Variants in PRMT3 observed in about 807,000 individuals in gnomAD.
The protein encoded by PRMT3 is protein arginine N-methyltransferase 3.
In PRMT3, 62 loss-of-function variants were observed where a neutral mutation model predicts 71.9. The observed-to-expected ratio is 0.86, with a 90% CI of 0.70 to 1.07. The LOEUF (loss-of-function observed/expected upper bound fraction) is 1.07, where lower values mean the gene tolerates loss of function less well. Among genes scored for constraint, PRMT3 ranks in the 50% least tolerant of loss-of-function variants. The probability of loss-of-function intolerance (pLI) is 0.00; values close to 1 mark genes in which losing one functional copy is unlikely to be tolerated. For missense variants in PRMT3, 663 were observed against 643.0 expected, an observed-to-expected ratio of 1.03 and a Z score of -0.34; for synonymous variants, 213 against 220.4, an observed-to-expected ratio of 0.97 and a Z score of 0.30.
At chr11:20,403,794 A>G (rs1286305074) in intron 8 of PRMT3, among the ~76,000 whole-genome samples, 1 of 152,140 alleles carries the variant, frequency 6.6e-6, no homozygotes, top group East Asian at 1.9e-4. Context: ...CTTTGAGAAC[A>G]TGTATATTGA....
At chr11:20,500,654 G>A (rs187624312) in intron 15 of PRMT3, among the ~76,000 whole-genome samples, 82 of 152,236 alleles carry the variant, frequency 5.4e-4, no homozygotes, top group Admixed American at 4.8e-3. Flanking sequence ...CTTTTGAAAT[G>A]GTGCTAGAAC....
intron 13 of PRMT3, among the ~76,000 whole-genome samples, chr11:20,486,765 T>C (rs1047389100): frequency 3.3e-5 from 5 of 152,108 alleles, no homozygotes; most frequent in African/African-American, 7.2e-5. Context: ...AGAATGAAGC[T>C]GGACAACTTG....
At chr11:20,424,076 C>T (rs975754342) in intron 9 of PRMT3, among the ~76,000 whole-genome samples, 18 of 150,054 alleles carry the variant, frequency 1.2e-4, no homozygotes, top group Non-Finnish European at 1.5e-4. Flanking sequence ...CCCAGCTACT[C>T]GGGAGGCTGA....
chr11:20,475,874 C>A (rs1850770359), intron 13 of PRMT3, among the ~76,000 whole-genome samples: 1 of 151,380 alleles, frequency 6.6e-6, no homozygotes, highest in Non-Finnish European at 1.5e-5. Context: ...TGGGATTTCA[C>A]CATATTGGCC....
chr11:20,491,956 A>C (rs1036171597), intron 13 of PRMT3, among the ~76,000 whole-genome samples: 2 of 152,216 alleles, frequency 1.3e-5, no homozygotes, highest in Non-Finnish European at 2.9e-5. Flanking sequence ...GCTTTAATAA[A>C]GTATACTGAC....
chr11:20,420,846 A>G (rs1020559031), intron 9 of PRMT3, among the ~76,000 whole-genome samples: 2 of 152,240 alleles, frequency 1.3e-5, no homozygotes, highest in African/African-American at 4.8e-5. Flanking sequence ...ATCCAACACC[A>G]TAAAGGAGAT....
chr11:20,434,838 T>A (rs1335766194), intron 10 of PRMT3, among the ~76,000 whole-genome samples: 1 of 152,246 alleles, frequency 6.6e-6, no homozygotes, highest in Non-Finnish European at 1.5e-5. Flanking sequence ...TTTGTTCTAT[T>A]TGCTTAGGAT....
intron 11 of PRMT3, among the ~76,000 whole-genome samples, chr11:20,456,715 A>G (rs1850274625): frequency 6.6e-6 from 1 of 151,900 alleles, no homozygotes; most frequent in Non-Finnish European, 1.5e-5. Flanking sequence ...GAATCTGGCT[A>G]TTTCTGCTTT....
intron 9 of PRMT3, among the ~76,000 whole-genome samples, chr11:20,420,589 C>T (rs1219644880): frequency 1.3e-5 from 2 of 152,174 alleles, no homozygotes; most frequent in Non-Finnish European, 2.9e-5. Context: ...CTAGGTCGTG[C>T]ATTCCTTACA....
At chr11:20,404,119 T>A (rs1265894544) in intron 8 of PRMT3, among the ~76,000 whole-genome samples, 1 of 150,342 alleles carries the variant, frequency 6.7e-6, no homozygotes, top group East Asian at 1.9e-4. Context: ...GACAAATAAA[T>A]GATTTCATTT....
chr11:20,433,883 G>A (rs1397233217), intron 10 of PRMT3, among the ~76,000 whole-genome samples: 1 of 152,180 alleles, frequency 6.6e-6, no homozygotes, highest in Non-Finnish European at 1.5e-5. Context: ...GCTTCCCAAA[G>A]TGCTGGGATT....
chr11:20,459,811 T>G (rs1850343319), intron 11 of PRMT3, among the ~76,000 whole-genome samples: 1 of 152,216 alleles, frequency 6.6e-6, no homozygotes, highest in South Asian at 2.1e-4. Context: ...TACACTTCCT[T>G]ATAGCTGATC....
At chr11:20,422,104 G>C in intron 9 of PRMT3, among the ~76,000 whole-genome samples, 1 of 152,142 alleles carries the variant, frequency 6.6e-6, no homozygotes, top group East Asian at 1.9e-4. Flanking sequence ...CCACCTGGAA[G>C]AATCTCTTCA....
intron 15 of PRMT3, among the ~76,000 whole-genome samples, chr11:20,504,881 GCA>G (rs1383747604): frequency 1.3e-5 from 2 of 152,062 alleles, no homozygotes; most frequent in Non-Finnish European, 2.9e-5. Flanking sequence ...CTACAGGTGT[GCA>G]CCACATGCCT....
chr11:20,447,364 C>A (rs751674901), intron 10 of PRMT3, among the ~76,000 whole-genome samples: 2 of 151,826 alleles, frequency 1.3e-5, no homozygotes, highest in African/African-American at 4.8e-5. Flanking sequence ...ACAATGGTGC[C>A]GGTGAGTAGA....
At chr11:20,499,711 T>C (rs1037990499) in intron 15 of PRMT3, among the ~76,000 whole-genome samples, 4 of 152,102 alleles carry the variant, frequency 2.6e-5, no homozygotes, top group Non-Finnish European at 4.4e-5. Context: ...GGTGAGATGA[T>C]AGACTTAAAT....
At chr11:20,451,204 T>C (rs1850140650) in intron 10 of PRMT3, among the ~76,000 whole-genome samples, 1 of 152,204 alleles carries the variant, frequency 6.6e-6, no homozygotes, top group Admixed American at 6.5e-5. Flanking sequence ...TGGTAGAGGA[T>C]TCATTATCAT....
At chr11:20,494,497 C>T (rs1230645574) in intron 15 of PRMT3, among the ~76,000 whole-genome samples, 1 of 152,116 alleles carries the variant, frequency 6.6e-6, no homozygotes, top group Non-Finnish European at 1.5e-5. Flanking sequence ...CCACACCCAG[C>T]TAATGTTTGT....
At chr11:20,393,183 T>G (rs1848754092) in intron 5 of PRMT3, among the ~76,000 whole-genome samples, 184 bp downstream of exon 5, 1 of 152,214 alleles carries the variant, frequency 6.6e-6, no homozygotes, top group Non-Finnish European at 1.5e-5. Context: ...GTGTGGCGGC[T>G]CACGCCTGTA....
Sources: allele counts gnomAD v4.1 joint callset (sites outside exome capture counted in the v4.1 genomes callset), GRCh38; gene constraint gnomAD v4.1.1; transcripts MANE v1.5; gene names NCBI Gene and HGNC (gene_info 2026-07-23, HGNC 2026-07-21).